Variants in CSTPP1 observed in about 807,000 individuals in gnomAD.
The protein encoded by CSTPP1 is UPF0705 protein C11orf49.
the CSTPP1 span, among the ~76,000 whole-genome samples, chr11:47,101,073 G>A: frequency 1.3e-5 from 2 of 148,158 alleles, no homozygotes; most frequent in South Asian, 2.1e-4. Context: ...ATCTTGGCTC[G>A]CTGCAACTTC....
chr11:47,087,567 TGCGG>T, the CSTPP1 span, among the ~76,000 whole-genome samples: 2 of 152,012 alleles, frequency 1.3e-5, no homozygotes, highest in African/African-American at 4.8e-5. Flanking sequence ...GGCATGGTGG[TGCGG>T]GCCTGTAATC....
At chr11:46,977,154 T>C in the CSTPP1 span, among the ~76,000 whole-genome samples, 2 of 152,210 alleles carry the variant, frequency 1.3e-5, no homozygotes, top group African/African-American at 2.4e-5. Context: ...TGAGTGGTAG[T>C]ACATGGCTTG....
chr11:47,001,389 T>TA, the CSTPP1 span, among the ~76,000 whole-genome samples: 4 of 152,254 alleles, frequency 2.6e-5, no homozygotes, highest in Non-Finnish European at 5.9e-5. Context: ...GGAGCATTAA[T>TA]AATTTCATTT....
At chr11:47,004,062 T>C in the CSTPP1 span, among the ~76,000 whole-genome samples, 1 of 152,212 alleles carries the variant, frequency 6.6e-6, no homozygotes, top group Admixed American at 6.5e-5. Flanking sequence ...ATCTGGATAG[T>C]CTTCCTTTTC....
chr11:47,011,151 G>A, the CSTPP1 span, among the ~76,000 whole-genome samples: 26 of 151,978 alleles, frequency 1.7e-4, no homozygotes, highest in Admixed American at 5.2e-4. Flanking sequence ...TATCACCCAC[G>A]GTTTTTCCAA....
chr11:47,059,735 T>C, the CSTPP1 span, among the ~76,000 whole-genome samples: 48 of 152,266 alleles, frequency 3.2e-4, no homozygotes, highest in African/African-American at 1.0e-3. Flanking sequence ...GAGCAAAATG[T>C]TTACATGTAT....
At chr11:47,056,816 T>C in the CSTPP1 span, among the ~76,000 whole-genome samples, 1 of 152,182 alleles carries the variant, frequency 6.6e-6, no homozygotes, top group African/African-American at 2.4e-5. Flanking sequence ...AAGCCCCATT[T>C]TATCAATTAT....
At chr11:47,066,620 G>C in the CSTPP1 span, among the ~76,000 whole-genome samples, 3 of 152,196 alleles carry the variant, frequency 2.0e-5, no homozygotes, top group Non-Finnish European at 4.4e-5. Context: ...AATTTATAAA[G>C]TAGATGATAA....
chr11:47,054,168 G>T, the CSTPP1 span, among the ~76,000 whole-genome samples: 5 of 150,828 alleles, frequency 3.3e-5, no homozygotes, highest in East Asian at 9.8e-4. Flanking sequence ...AAAATTAGCC[G>T]GGTGTGGTGG....
chr11:46,997,348 G>A, the CSTPP1 span, among the ~76,000 whole-genome samples: 164 of 152,054 alleles, frequency 1.1e-3, 1 homozygote, highest in East Asian at 0.012. Context: ...TGATCAAATC[G>A]GCTACTGAAG....
chr11:47,130,489 C>G, the CSTPP1 span, among the ~76,000 whole-genome samples: 296 of 152,266 alleles, frequency 1.9e-3, no homozygotes, highest in African/African-American at 7.0e-3. Flanking sequence ...AACAGTGCTG[C>G]CAGAGGAGAT....
chr11:47,057,975 A>T, the CSTPP1 span, among the ~76,000 whole-genome samples: 1 of 152,236 alleles, frequency 6.6e-6, no homozygotes, highest in Non-Finnish European at 1.5e-5. Flanking sequence ...AATAATCTTT[A>T]AAGGAATTTA....
At chr11:47,069,834 C>T in the CSTPP1 span, among the ~76,000 whole-genome samples, 1 of 152,168 alleles carries the variant, frequency 6.6e-6, no homozygotes, top group Non-Finnish European at 1.5e-5. Context: ...CTGCCTCAGC[C>T]TCCCAAATAG....
the CSTPP1 span, among the ~76,000 whole-genome samples, chr11:47,163,167 C>T: frequency 1.4e-5 from 2 of 140,906 alleles, no homozygotes; most frequent in African/African-American, 5.2e-5. Flanking sequence ...CAGAATGAGA[C>T]CATCTTAAAA....
chr11:46,957,635 A>G, the CSTPP1 span, among the ~76,000 whole-genome samples: 1 of 150,850 alleles, frequency 6.6e-6, no homozygotes, highest in Non-Finnish European at 1.5e-5. Context: ...TTGTCTTGAG[A>G]TCCTTTCAGT....
At chr11:47,134,734 G>A in the CSTPP1 span, among the ~76,000 whole-genome samples, 2 of 152,258 alleles carry the variant, frequency 1.3e-5, no homozygotes, top group South Asian at 2.1e-4. Flanking sequence ...AGGCACATGG[G>A]AATAGGAAGT....
At chr11:47,062,527 T>C in the CSTPP1 span, among the ~76,000 whole-genome samples, 4 of 152,206 alleles carry the variant, frequency 2.6e-5, no homozygotes, top group Non-Finnish European at 5.9e-5. Context: ...TTTAAAGTGT[T>C]CCACTAAAAA....
the CSTPP1 span, among the ~76,000 whole-genome samples, chr11:47,021,977 C>A: frequency 6.6e-6 from 1 of 151,822 alleles, no homozygotes; most frequent in African/African-American, 2.4e-5. Context: ...TCCTTTTTGT[C>A]TCCCTACCTT....
At chr11:47,005,696 C>A in the CSTPP1 span, among the ~76,000 whole-genome samples, 1 of 152,088 alleles carries the variant, frequency 6.6e-6, no homozygotes, top group African/African-American at 2.4e-5. Flanking sequence ...TGTTAGAGGG[C>A]CTGCCACTTT....
Sources: gnomAD v4.1 joint callset for allele counts (sites outside exome capture counted in the v4.1 genomes callset) on GRCh38, gnomAD v4.1.1 for gene constraint, MANE v1.5 for transcripts, NCBI Gene and HGNC (gene_info 2026-07-23, HGNC 2026-07-21) for gene names.